Variants in PDE1C observed in about 807,000 individuals in gnomAD.
The protein encoded by PDE1C is dual specificity calcium/calmodulin-dependent 3',5'-cyclic nucleotide phosphodiesterase 1C.
A neutral mutation model predicts 93.1 loss-of-function variants in PDE1C; 62 were observed. That is an observed-to-expected ratio of 0.67 (90% CI 0.54 to 0.82). The LOEUF is 0.82. Ranked by LOEUF, PDE1C falls within the 40% of genes least tolerant of loss-of-function variation. The pLI, the probability that PDE1C is intolerant of heterozygous loss-of-function variation, is 0.00. For synonymous variants in PDE1C, 325 were observed against 310.1 expected, an observed-to-expected ratio of 1.05 and a Z score of -0.50; for missense variants, 742 against 884.6, an observed-to-expected ratio of 0.84 and a Z score of 2.04.
At chr7:32,112,804 A>ATGTGTGTGTG (rs150245670) in intron 3 of PDE1C, among the ~76,000 whole-genome samples, 22 of 66,734 alleles carry the variant, frequency 3.3e-4, no homozygotes, top group African/African-American at 7.0e-4. Context: ...ATATACATAT[A>ATGTGTGTGTG]TGTGTGTGTG....
chr7:31,823,510 T>C lies in PDE1C; in HGVS notation c.1407-262A>G, dbSNP rs142963502. 6.2e-4 allele frequency among the ~76,000 whole-genome samples: 94 copies of C among 152,268 alleles called. 1 individual carries two copies. Among genetic ancestry groups the C allele is most frequent in the African/African-American group, 2.1e-3 (88 of 41,564 alleles). ...TCTTTGCTATTTGGCCTCTTCTTTT[T>C]TCCCCATAACCAGAATCCCCTCATG... On this transcript the variant is annotated intron_variant, in intron 13 of 17. Transcript: ENST00000396191.
chr7:32,255,554 C>T (rs938810719), intron 1 of PDE1C, among the ~76,000 whole-genome samples: 1 of 152,162 alleles, frequency 6.6e-6, no homozygotes, highest in Admixed American at 6.5e-5. Flanking sequence ...GGAGCAACTA[C>T]GATGCACTGC....
intron 1 of PDE1C, among the ~76,000 whole-genome samples, chr7:32,288,432 A>C (rs1330537598): frequency 1.3e-5 from 2 of 152,176 alleles, no homozygotes; most frequent in East Asian, 3.9e-4. Context: ...GTCTTACACA[A>C]CTGGACTAAA....
chr7:31,791,158 C>A (rs1784557059), intron 16 of PDE1C, among the ~76,000 whole-genome samples: 1 of 152,110 alleles, frequency 6.6e-6, no homozygotes, highest in African/African-American at 2.4e-5. Flanking sequence ...GTGAATTTAG[C>A]AGAAAACTCA....
intron 3 of PDE1C, among the ~76,000 whole-genome samples, chr7:32,113,552 TTATC>T (rs1798806533): frequency 6.6e-6 from 1 of 151,804 alleles, no homozygotes; most frequent in Non-Finnish European, 1.5e-5. Flanking sequence ...TAACATCAAT[TTATC>T]TAGTAATGAA....
chr7:31,642,585 T>C, the PDE1C span: 1 of 1,107,558 alleles, frequency 9.0e-7, no homozygotes, highest in Non-Finnish European at 1.3e-6. Flanking sequence ...CCTTATCTCC[T>C]GACTCCTAAG....
intron 2 of PDE1C, among the ~76,000 whole-genome samples, chr7:32,047,032 G>GATGTGTGTGT (rs113331207): frequency 2.0e-5 from 3 of 148,710 alleles, no homozygotes; most frequent in African/African-American, 7.4e-5. Flanking sequence ...CTGAAATAGG[G>GATGTGTGTGT]GTGTGTGTGT....
intron 1 of PDE1C, among the ~76,000 whole-genome samples, chr7:32,379,775 A>T (rs1056631708): frequency 6.6e-6 from 1 of 152,176 alleles, no homozygotes; most frequent in Non-Finnish European, 1.5e-5. Context: ...TTCACTCTAC[A>T]TTTCTAAGTC....
At chr7:32,027,759 A>C (rs1475444568) in intron 2 of PDE1C, among the ~76,000 whole-genome samples, 1 of 152,062 alleles carries the variant, frequency 6.6e-6, no homozygotes, top group Non-Finnish European at 1.5e-5. Context: ...AAAACTTTTA[A>C]AAAAATCTGC....
intron 2 of PDE1C, among the ~76,000 whole-genome samples, chr7:31,899,739 TAGC>T (rs1406435636): frequency 6.6e-6 from 1 of 152,098 alleles, no homozygotes; most frequent in Non-Finnish European, 1.5e-5. Context: ...CCTATGTAAA[TAGC>T]AGATTAATCT....
intron 3 of PDE1C, among the ~76,000 whole-genome samples, chr7:32,147,300 G>GAAAGAAAGAAA (rs1800938186): frequency 2.0e-4 from 28 of 137,806 alleles, no homozygotes; most frequent in Middle Eastern, 3.8e-3. Context: ...AAGAAAGAAA[G>GAAAGAAAGAAA]AAAGAAAGAA....
intron 2 of PDE1C, among the ~76,000 whole-genome samples, chr7:31,958,985 C>A (rs149519287): frequency 3.3e-5 from 5 of 152,210 alleles, no homozygotes; most frequent in Non-Finnish European, 7.4e-5. Flanking sequence ...TTCCTATCAC[C>A]CCTTTCCCCA....
At chr7:31,952,470 G>A (rs1023859056) in intron 2 of PDE1C, among the ~76,000 whole-genome samples, 10 of 152,050 alleles carry the variant, frequency 6.6e-5, no homozygotes, top group African/African-American at 2.2e-4. Flanking sequence ...GGCTGGTCTC[G>A]AACTCCTGGC....
At chr7:32,017,118 G>A (rs1299342868) in intron 2 of PDE1C, among the ~76,000 whole-genome samples, 3 of 152,110 alleles carry the variant, frequency 2.0e-5, no homozygotes, top group South Asian at 4.1e-4. Context: ...ACACCTAACT[G>A]AGACTCAATA....
intron 1 of PDE1C, among the ~76,000 whole-genome samples, chr7:32,267,584 A>ACTCTCTCT (rs756476017): frequency 4.0e-4 from 45 of 113,144 alleles, no homozygotes; most frequent in African/African-American, 8.8e-4. Flanking sequence ...ACACACACAC[A>ACTCTCTCT]CACTCTCTCT....
intron 2 of PDE1C, among the ~76,000 whole-genome samples, chr7:31,892,894 G>A (rs962769161): frequency 6.6e-6 from 1 of 152,122 alleles, no homozygotes. Flanking sequence ...TTTCAAAATT[G>A]CTAAAAGGGT....
At chr7:31,736,731 A>G in the PDE1C span, among the ~76,000 whole-genome samples, 151,171 of 152,310 alleles carry the variant, frequency 0.99, 75,026 homozygotes, top group East Asian at 1. Flanking sequence ...TCTCACAGAT[A>G]AAAATGTTAT....
the PDE1C span, among the ~76,000 whole-genome samples, chr7:31,647,116 G>C: frequency 6.6e-6 from 1 of 152,224 alleles, no homozygotes; most frequent in Non-Finnish European, 1.5e-5. Context: ...GTGGAAATAA[G>C]AGATTGCATT....
chr7:31,837,283 G>A lies in PDE1C; in HGVS notation c.1100C>T (p.Ala367Val). 1 of 1,611,322 alleles carries A rather than the reference G, an allele frequency of 6.2e-7. No individual in the cohort carries two copies. The highest frequency in any genetic ancestry group is 8.5e-7 in the Non-Finnish European group (1 of 1,178,452). ...TGCTGTATGCAGCATAAGGGATAAG[G>A]CTTTTGGCTTTTCAATGCTGTAAAC... Reference protein sequence around the residue: ...QQPEAIEKPKALSLMLHTADI... With the variant: ...QQPEAIEKPKVLSLMLHTADI... Residue 367 changes from alanine to valine, a missense_variant, in exon 11 of 18, where the codon GCC becomes GTC. Physicochemically the swap from Ala to Val is moderately conservative, Grantham distance 64. This residue lies in a region of PDE1C where 454 missense variants were observed against 459.4 expected (regional missense o/e 0.99). Coordinates refer to ENST00000396191, the MANE Select transcript of PDE1C (RefSeq NM_001191057.4).
Sources: allele counts gnomAD v4.1 joint callset (sites outside exome capture counted in the v4.1 genomes callset), GRCh38; gene constraint gnomAD v4.1.1; regional missense constraint gnomAD v4.1.1; transcripts MANE v1.5; gene names NCBI Gene and HGNC (gene_info 2026-07-23, HGNC 2026-07-21).